Variants in BTBD9 observed in about 807,000 individuals in gnomAD.
BTBD9 encodes the protein BTB/POZ domain-containing protein 9.
In BTBD9, 49 loss-of-function variants were observed where a neutral mutation model predicts 64.3. The ratio of observed to expected loss-of-function variants is 0.76; its 90% CI spans 0.61 to 0.97. BTBD9 has a LOEUF of 0.97. Ranked by LOEUF, BTBD9 falls within the 50% of genes least tolerant of loss-of-function variation. The pLI is 0.00. For missense variants in BTBD9, 598 were observed against 762.1 expected (o/e 0.78, Z 2.53); for synonymous variants, 260 against 274.7 (o/e 0.95, Z 0.53).
rs1316027049 is a variant in BTBD9, at chr6:38,171,872, A to T, written c.*3113T>A. The T allele has an allele frequency of 2.0e-4, 22 of 109,050 alleles. 1 individual carries two copies. The South Asian group carries it at 2.2e-3, about 11-fold the overall frequency. 6.8% of individuals were successfully genotyped at this position (109,050 alleles called of 1,614,324 possible). On this transcript the variant is annotated 3_prime_UTR_variant, in exon 11 of 11. Transcript: ENST00000481247. Reference sequence around the variant, plus strand: ...AAAAAAAAAAAAAAAAAAAAAAAAAAAAAAAAAAAATAATAATAATAATAA... The same window carrying T: ...AAAAAAAAAAAAAAAAAAAAAAAAATAAAAAAAAAATAATAATAATAATAA...
intron 8 of BTBD9, among the ~76,000 whole-genome samples, chr6:38,282,733 G>A (rs1208338639): frequency 1.3e-5 from 2 of 152,168 alleles, no homozygotes; most frequent in East Asian, 3.9e-4. Context: ...GGCACTGCCG[G>A]TGATGCTCAT....
At chr6:38,502,506 A>G (rs1772259860) in intron 6 of BTBD9, among the ~76,000 whole-genome samples, 1 of 152,246 alleles carries the variant, frequency 6.6e-6, no homozygotes, top group Non-Finnish European at 1.5e-5. Context: ...CTGAAGGGAA[A>G]GAATGCTAAG....
At chr6:38,387,298 A>G (rs1766217424) in intron 6 of BTBD9, among the ~76,000 whole-genome samples, 1 of 152,228 alleles carries the variant, frequency 6.6e-6, no homozygotes, top group Admixed American at 6.5e-5. Flanking sequence ...ACACTTTGGG[A>G]GGCTGAGGCG....
chr6:38,432,768 C>T (rs1768502446), intron 6 of BTBD9, among the ~76,000 whole-genome samples: 1 of 151,892 alleles, frequency 6.6e-6, no homozygotes, highest in Non-Finnish European at 1.5e-5. Flanking sequence ...TTCCACACTC[C>T]TAAGATTACA....
chr6:38,266,599 AAGAAAGGAAAG>A (rs1764984482), intron 8 of BTBD9, among the ~76,000 whole-genome samples: 1 of 131,834 alleles, frequency 7.6e-6, no homozygotes, highest in East Asian at 2.4e-4. Context: ...AAAGAAAGGA[AAGAAAGGAAAG>A]AAAGAAAGAA....
chr6:38,249,874 A>G (rs1388410427), intron 9 of BTBD9, among the ~76,000 whole-genome samples: 13 of 152,154 alleles, frequency 8.5e-5, no homozygotes, highest in Admixed American at 7.9e-4. Context: ...AATAGAAACT[A>G]ATACTTCTTG....
intron 4 of BTBD9, 50 bp downstream of exon 4, chr6:38,592,526 G>T (rs776272355): frequency 1.9e-6 from 3 of 1,598,036 alleles, no homozygotes; most frequent in Non-Finnish European, 2.6e-6. Flanking sequence ...TTAATGGCAT[G>T]AGAGGCATAC....
At chr6:38,299,875 G>A (rs952759427) in intron 7 of BTBD9, among the ~76,000 whole-genome samples, 1 of 152,160 alleles carries the variant, frequency 6.6e-6, no homozygotes, top group Non-Finnish European at 1.5e-5. Context: ...GATCCCATTT[G>A]TCAATTTTGG....
chr6:38,359,478 C>G (rs375473657), intron 6 of BTBD9, among the ~76,000 whole-genome samples: 3 of 152,174 alleles, frequency 2.0e-5, no homozygotes, highest in African/African-American at 7.2e-5. Flanking sequence ...AAGCACAAGC[C>G]ATCTAGCCCA....
At position 38,592,655 on chromosome 6, in the gene BTBD9, C is replaced by T; in HGVS notation, c.735G>A (p.Leu245=). Residue 245 remains leucine (L), a synonymous_variant, in exon 4 of 11, where the codon CTG becomes CTA. Coordinates refer to ENST00000481247, the MANE Select transcript of BTBD9 (RefSeq NM_001099272.2). ...LLNVVRPSGL[L]SPDAILDAIK... ...TGGCATCCAGGATGGCATCAGGAGA[C>T]AGCAGTCCTGAAGGCCTCACAACAT... 6.2e-7 allele frequency: 1 copy of T among 1,614,100 alleles called. No individual in the cohort carries two copies. The highest frequency in any genetic ancestry group is 8.5e-7 in the Non-Finnish European group (1 of 1,180,006).
intron 7 of BTBD9, among the ~76,000 whole-genome samples, chr6:38,343,180 G>T (rs1349902448): frequency 6.6e-6 from 1 of 152,218 alleles, no homozygotes; most frequent in Non-Finnish European, 1.5e-5. Context: ...TTGTTTCTCT[G>T]TAATTTTCTT....
rs539788529 is a variant in BTBD9, at chr6:38,389,339, C to CA, written c.1155-44247dup. On this transcript the variant is annotated intron_variant, in intron 6 of 10. Transcript: ENST00000481247. ...AATTGTTAATGATACATTACTGCAT[C>CA]AAAAAAACAGGCAAATGCAATACTT... Among the ~76,000 whole-genome samples, 40 of 152,160 alleles carry CA rather than the reference C, an allele frequency of 2.6e-4. No homozygotes were observed. In the South Asian group the frequency reaches 7.7e-3, roughly 29 times the overall value.
chr6:38,275,710 A>T (rs1040828081), intron 8 of BTBD9, among the ~76,000 whole-genome samples: 3 of 152,250 alleles, frequency 2.0e-5, no homozygotes, highest in African/African-American at 7.2e-5. Flanking sequence ...ACACTTCTCA[A>T]AAGAAGATAT....
intron 6 of BTBD9, among the ~76,000 whole-genome samples, chr6:38,436,317 C>T (rs933176644): frequency 2.0e-5 from 3 of 151,100 alleles, no homozygotes; most frequent in African/African-American, 4.9e-5. Context: ...AGAAGAAGGG[C>T]TATAGAATCT....
chr6:38,357,414 C>A (rs1764767446), intron 6 of BTBD9, among the ~76,000 whole-genome samples: 1 of 152,082 alleles, frequency 6.6e-6, no homozygotes, highest in Non-Finnish European at 1.5e-5. Flanking sequence ...GGGTTTACAC[C>A]TAAAAGAAAA....
intron 7 of BTBD9, among the ~76,000 whole-genome samples, chr6:38,339,834 T>C (rs756477411): frequency 2.0e-5 from 3 of 152,210 alleles, no homozygotes; most frequent in Non-Finnish European, 2.9e-5. Flanking sequence ...ATGAACCTAA[T>C]TGTATACTGA....
In BTBD9 at chr6:38,588,531, G is replaced by A. The variant is rs570704132; in HGVS notation, c.814+4045C>T. The A allele has an allele frequency of 3.4e-4, 268 of 786,054 alleles. 1 individual carries two copies. Among genetic ancestry groups the A allele is most frequent in the Non-Finnish European group, 4.3e-4 (224 of 525,490 alleles). The allele number at this position is 786,054 out of a possible 1,614,324, so 48.7% of individuals were successfully genotyped here. ...AAACCTGGACCTGGTTATCGATAAC[G>A]AGGCTTATCTACACCAATTAATGTA... On this transcript the variant is annotated intron_variant, in intron 4 of 10. Transcript: ENST00000481247.
chr6:38,424,609 C>A (rs1049203652), intron 6 of BTBD9, among the ~76,000 whole-genome samples: 1 of 151,768 alleles, frequency 6.6e-6, no homozygotes, highest in Non-Finnish European at 1.5e-5. Context: ...CGCTGCCTCC[C>A]GGGTTCAAGA....
intron 1 of BTBD9, among the ~76,000 whole-genome samples, chr6:38,607,566 T>C (rs1396360266): frequency 6.6e-6 from 1 of 152,142 alleles, no homozygotes; most frequent in African/African-American, 2.4e-5. Flanking sequence ...CCAAAGGATA[T>C]ACATAAATGA....
Sources: allele counts gnomAD v4.1 joint callset (sites outside exome capture counted in the v4.1 genomes callset), GRCh38; gene constraint gnomAD v4.1.1; transcripts MANE v1.5; gene names NCBI Gene and HGNC (gene_info 2026-07-23, HGNC 2026-07-21).